The following KCNH5 variants were observed in gnomAD, a reference collection of about 807,000 sequenced individuals.
The protein encoded by KCNH5 is voltage-gated delayed rectifier potassium channel KCNH5.
A neutral mutation model predicts 96.1 loss-of-function variants in KCNH5; 46 were observed. The ratio of observed to expected loss-of-function variants is 0.48; its 90% CI spans 0.38 to 0.61. KCNH5 has a LOEUF of 0.61. Among genes scored for constraint, KCNH5 ranks in the 20% least tolerant of loss-of-function variants. The pLI is 0.00. For missense variants in KCNH5, 907 were observed against 1,225.8 expected (o/e 0.74, Z 3.88); for synonymous variants, 439 against 449.8 (o/e 0.98, Z 0.30).
At chr14:62,926,807 T>C (rs1337352783) in intron 7 of KCNH5, among the ~76,000 whole-genome samples, 3 of 151,982 alleles carry the variant, frequency 2.0e-5, no homozygotes, top group South Asian at 2.1e-4. Flanking sequence ...ACATGAAGGG[T>C]TGGGATTTAA....
chr14:62,957,123 C>T lies in KCNH5; in HGVS notation c.943-6564G>A, dbSNP rs141225223. ...GCCAATTTCCTTACTTGACAAGCCC[C>T]TCAGGCCATAGTAGCACAAGGAACA... On this transcript the variant is annotated intron_variant, in intron 6 of 10. Coordinates refer to ENST00000322893, the MANE Select transcript of KCNH5 (RefSeq NM_139318.5). 3.3e-4 allele frequency among the ~76,000 whole-genome samples: 50 copies of T among 152,328 alleles called. No homozygotes were observed. The East Asian group carries it at 9.2e-3, about 28-fold the overall frequency.
intron 9 of KCNH5, among the ~76,000 whole-genome samples, chr14:62,792,574 T>C (rs894340341): frequency 6.6e-6 from 1 of 151,704 alleles, no homozygotes; most frequent in Non-Finnish European, 1.5e-5. Context: ...AAGACTAATT[T>C]GGAAATCAAT....
At chr14:62,743,981 T>C (rs1297264150) in intron 10 of KCNH5, among the ~76,000 whole-genome samples, 1 of 152,198 alleles carries the variant, frequency 6.6e-6, no homozygotes, top group Non-Finnish European at 1.5e-5. Context: ...TCTATTTTAA[T>C]TGCTTTATCA....
chr14:62,893,781 T>C (rs1053635429), intron 7 of KCNH5, among the ~76,000 whole-genome samples: 42 of 152,172 alleles, frequency 2.8e-4, no homozygotes, highest in African/African-American at 9.9e-4. Flanking sequence ...ACTTAGTTGA[T>C]CAAGCAGCAG....
intron 6 of KCNH5, among the ~76,000 whole-genome samples, chr14:62,974,894 TCAC>T (rs1482610904): frequency 6.6e-6 from 1 of 152,176 alleles, no homozygotes; most frequent in Admixed American, 6.5e-5. Flanking sequence ...GACACATTCT[TCAC>T]CATCACAGGA....
intron 7 of KCNH5, among the ~76,000 whole-genome samples, chr14:62,902,832 AC>A (rs1326991788): frequency 6.7e-5 from 10 of 149,874 alleles, no homozygotes; most frequent in African/African-American, 2.5e-4. Context: ...CGATTCTCCC[AC>A]CTCAGCCTCC....
intron 7 of KCNH5, among the ~76,000 whole-genome samples, chr14:62,928,581 G>C (rs1008519754): frequency 6.6e-6 from 1 of 151,990 alleles, no homozygotes; most frequent in Non-Finnish European, 1.5e-5. Flanking sequence ...TGAGGTTTAG[G>C]GGTTTGTAAG....
chr14:62,918,965 T>G (rs904428301), intron 7 of KCNH5, among the ~76,000 whole-genome samples: 1 of 152,116 alleles, frequency 6.6e-6, no homozygotes, highest in Non-Finnish European at 1.5e-5. Context: ...TTCTTCAATA[T>G]AGAATTGCTT....
At chr14:62,866,839 G>A (rs1252080518) in intron 7 of KCNH5, among the ~76,000 whole-genome samples, 1 of 152,048 alleles carries the variant, frequency 6.6e-6, no homozygotes, top group Non-Finnish European at 1.5e-5. Flanking sequence ...CCCTGGTCTA[G>A]GTACTCCTCT....
chr14:62,911,689 A>G (rs1889157784), intron 7 of KCNH5, among the ~76,000 whole-genome samples: 1 of 151,884 alleles, frequency 6.6e-6, no homozygotes, highest in Non-Finnish European at 1.5e-5. Flanking sequence ...AAACATCAGC[A>G]TGTCAGATTA....
intron 4 of KCNH5, among the ~76,000 whole-genome samples, chr14:62,989,274 G>T (rs772264995): frequency 1.3e-5 from 2 of 151,836 alleles, no homozygotes; most frequent in Non-Finnish European, 2.9e-5. Flanking sequence ...TATATCCTTG[G>T]TATACAGGTC....
At chr14:63,033,027 C>T (rs1891657915) in intron 1 of KCNH5, among the ~76,000 whole-genome samples, 1 of 152,074 alleles carries the variant, frequency 6.6e-6, no homozygotes, top group Admixed American at 6.6e-5. Context: ...ATAATGCTAC[C>T]AACAAAACAT....
chr14:62,709,652 A>T (rs1884528562), intron 10 of KCNH5, among the ~76,000 whole-genome samples: 1 of 152,246 alleles, frequency 6.6e-6, no homozygotes, highest in Non-Finnish European at 1.5e-5. Flanking sequence ...ATCCACAAAT[A>T]AATGAGCATC....
intron 3 of KCNH5, among the ~76,000 whole-genome samples, chr14:63,005,434 G>T (rs751953394): frequency 6.6e-6 from 1 of 152,200 alleles, no homozygotes; most frequent in Non-Finnish European, 1.5e-5. Context: ...AACAGGCACT[G>T]AACATGGAAC....
chr14:63,007,399 AG>A, intron 2 of KCNH5, among the ~76,000 whole-genome samples: 1 of 152,320 alleles, frequency 6.6e-6, no homozygotes, highest in South Asian at 2.1e-4. Context: ...CATTCTGAAA[AG>A]CCAAAGAATT....
intron 6 of KCNH5, among the ~76,000 whole-genome samples, chr14:62,961,597 A>C (rs1214900906): frequency 6.6e-6 from 1 of 152,218 alleles, no homozygotes; most frequent in Non-Finnish European, 1.5e-5. Flanking sequence ...CAAAGAGACA[A>C]AGCAAAAGAG....
At chr14:62,850,751 C>T (rs1340350084) in intron 7 of KCNH5, among the ~76,000 whole-genome samples, 2 of 152,132 alleles carry the variant, frequency 1.3e-5, no homozygotes, top group Non-Finnish European at 2.9e-5. Context: ...TAGCACACTA[C>T]CCGCAACTTC....
At chr14:63,027,470 A>G (rs1477388159) in intron 1 of KCNH5, among the ~76,000 whole-genome samples, 1 of 144,856 alleles carries the variant, frequency 6.9e-6, no homozygotes, top group Non-Finnish European at 1.5e-5. Flanking sequence ...AAAAACTTCA[A>G]GTTGGTTTGA....
chr14:63,003,345 C>A (rs557623739), intron 3 of KCNH5, among the ~76,000 whole-genome samples: 1 of 148,210 alleles, frequency 6.7e-6, no homozygotes, highest in Admixed American at 7.0e-5. Context: ...AGTAGAGGAA[C>A]CTGCTGTGGC....
Sources: allele counts gnomAD v4.1 joint callset (sites outside exome capture counted in the v4.1 genomes callset), GRCh38; gene constraint gnomAD v4.1.1; transcripts MANE v1.5; gene names NCBI Gene and HGNC (gene_info 2026-07-23, HGNC 2026-07-21).